The following DNM2 variants were observed in gnomAD, a reference collection of about 807,000 sequenced individuals.
The protein encoded by DNM2 is dynamin 2.
In DNM2, 15 loss-of-function variants were observed where a neutral mutation model predicts 99.0. The observed-to-expected ratio is 0.15, with a 90% CI of 0.10 to 0.23. The LOEUF is 0.23. DNM2 is among the 10% of genes least tolerant of loss of function. The pLI is 1.00. For synonymous variants in DNM2, 525 were observed against 481.2 expected, an observed-to-expected ratio of 1.09 and a Z score of -1.19; for missense variants, 742 against 1,189.4, an observed-to-expected ratio of 0.62 and a Z score of 5.53.
intron 1 of DNM2, among the ~76,000 whole-genome samples, chr19:10,751,657 T>C (rs995004974): frequency 1.3e-5 from 2 of 152,226 alleles, no homozygotes; most frequent in Non-Finnish European, 2.9e-5. Context: ...GTCTGGGAAC[T>C]TTTAGAAGCA....
intron 5 of DNM2, 39 bp downstream of exon 5, chr19:10,777,255 T>C: frequency 6.3e-7 from 1 of 1,597,874 alleles, no homozygotes. Context: ...GGAGGATGGG[T>C]GGGGTCCTTA....
chr19:10,821,256 G>A (rs2072959250), intron 16 of DNM2, among the ~76,000 whole-genome samples: 1 of 152,162 alleles, frequency 6.6e-6, no homozygotes, highest in African/African-American at 2.4e-5. Flanking sequence ...ACACCTGGCA[G>A]CTGTCCCAGG....
At chr19:10,730,276 A>G (rs375702732) in intron 1 of DNM2, among the ~76,000 whole-genome samples, 44 of 152,258 alleles carry the variant, frequency 2.9e-4, no homozygotes, top group African/African-American at 1.0e-3. Flanking sequence ...CAGGAGTTTG[A>G]GACCAGCCTG....
At chr19:10,744,305 G>T (rs976905181) in intron 1 of DNM2, among the ~76,000 whole-genome samples, 1 of 152,152 alleles carries the variant, frequency 6.6e-6, no homozygotes, top group African/African-American at 2.4e-5. Context: ...GAGGAGGAGG[G>T]GATGGGTCTG....
chr19:10,729,389 A>G (rs895189757), intron 1 of DNM2, among the ~76,000 whole-genome samples: 10 of 151,884 alleles, frequency 6.6e-5, no homozygotes, highest in African/African-American at 2.2e-4. Flanking sequence ...TATTCTGAAG[A>G]GTGAGAAGCG....
At chr19:10,724,936 G>A (rs74562182) in intron 1 of DNM2, among the ~76,000 whole-genome samples, 12,779 of 152,286 alleles carry the variant, frequency 0.084, 572 homozygotes, top group Middle Eastern at 0.11. Context: ...GGGATATGTG[G>A]ATGAGCCGCG....
chr19:10,722,755 G>T (rs530447861), intron 1 of DNM2, among the ~76,000 whole-genome samples: 25 of 152,086 alleles, frequency 1.6e-4, no homozygotes, highest in African/African-American at 5.5e-4. Flanking sequence ...AGCCTCCTAA[G>T]TAGCTGGGAC....
In DNM2 at chr19:10,831,642, T is replaced by C. The variant is rs1599644659; in HGVS notation, c.*595T>C. The C allele has an allele frequency of 1.0e-6, 1 of 985,946 alleles. No individual in the cohort carries two copies. The highest frequency in any genetic ancestry group is 1.1e-4 in the East Asian group (1 of 8,784). 61.1% of individuals were successfully genotyped at this position (985,946 alleles called of 1,614,324 possible). ...GGTGCCTTTGCTAGGCCCGGAGCCG[T>C]TGGCCCGGGCCGGCCTTGCCCTATT... On this transcript the variant is annotated 3_prime_UTR_variant, in exon 21 of 21. Transcript: ENST00000389253. The surrounding 1 kb of genome is among the most constrained non-coding windows in gnomAD (Gnocchi z 4.3).
chr19:10,819,656 G>T (rs2072905341), intron 15 of DNM2, among the ~76,000 whole-genome samples: 2 of 152,158 alleles, frequency 1.3e-5, no homozygotes. Flanking sequence ...TTGTGTGAGG[G>T]AAAAGGAGGA....
Position 10,795,478 on chromosome 19 carries a change from T to G in DNM2, c.1196+39T>G. On this transcript the variant is annotated intron_variant, in intron 9 of 20. Transcript: ENST00000389253. The surrounding 1 kb of genome is among the most constrained non-coding windows in gnomAD (Gnocchi z 4.2). ...GGAGAGTCACCACTGTTCCTTCCTC[T>G]CCGTGGTGCGACCCCCCAGCTAATT... 1 of 1,611,682 alleles carries G rather than the reference T, an allele frequency of 6.2e-7. No individual in the cohort carries two copies. Among genetic ancestry groups the G allele is most frequent in the Non-Finnish European group, 8.5e-7 (1 of 1,178,088 alleles).
At chr19:10,754,950 C>T (rs989353302) in intron 1 of DNM2, among the ~76,000 whole-genome samples, 5 of 152,208 alleles carry the variant, frequency 3.3e-5, no homozygotes, top group Non-Finnish European at 7.3e-5. Context: ...AGATGCAGGA[C>T]TTCTTCATGG....
chr19:10,736,255 ACT>A (rs923991403), intron 1 of DNM2, among the ~76,000 whole-genome samples: 1 of 146,598 alleles, frequency 6.8e-6, no homozygotes, highest in African/African-American at 2.5e-5. Context: ...ACAGAGTGAG[ACT>A]CTGTCTCAAA....
chr19:10,787,637 C>T (rs1479401022), intron 7 of DNM2, among the ~76,000 whole-genome samples: 1 of 151,740 alleles, frequency 6.6e-6, no homozygotes, highest in Non-Finnish European at 1.5e-5. Flanking sequence ...CACCTGTAGT[C>T]CCAGCTACAC....
chr19:10,775,691 T>G lies in DNM2; in HGVS notation c.386-12T>G. On this transcript the variant is annotated splice_polypyrimidine_tract_variant and intron_variant, in intron 3 of 20. Coordinates refer to ENST00000389253, the MANE Select transcript of DNM2 (RefSeq NM_001005361.3). This position sits in a 1 kb window ranked among gnomAD's most constrained non-coding sequence, Gnocchi z 4.3. ...TGGCTCTGAATGCCTTTCCTTCTGGTTTCCCTCCCAGTGTTGAACTTGACC... is the reference window on the plus strand; with the variant it reads ...TGGCTCTGAATGCCTTTCCTTCTGGGTTCCCTCCCAGTGTTGAACTTGACC... 1 of 1,614,060 alleles carries G rather than the reference T, an allele frequency of 6.2e-7. No homozygotes were observed. The highest frequency in any genetic ancestry group is 2.2e-5 in the East Asian group (1 of 44,858).
At chr19:10,809,793 G>C (rs1040522018) in intron 14 of DNM2, 6 of 152,342 alleles carry the variant, frequency 3.9e-5, no homozygotes, top group Non-Finnish European at 8.8e-5. Context: ...GCAATCCCAG[G>C]GTCTTTCTTG....
At chr19:10,789,603 T>TGGATGGATCACTTGAGGTCA (rs1326552423) in intron 7 of DNM2, among the ~76,000 whole-genome samples, 5 of 151,432 alleles carry the variant, frequency 3.3e-5, no homozygotes, top group African/African-American at 4.9e-5. Flanking sequence ...GAGGCTTCAG[T>TGGATGGATCACTTGAGGTCA]GGATGGATCA....
chr19:10,728,130 T>C (rs1392535137), intron 1 of DNM2, among the ~76,000 whole-genome samples: 1 of 152,166 alleles, frequency 6.6e-6, no homozygotes, highest in African/African-American at 2.4e-5. Flanking sequence ...CACCCGTAGC[T>C]TGAACCGGGA....
At position 10,830,124 on chromosome 19, in the gene DNM2, C is replaced by T. The variant is rs1291911256; in HGVS notation, c.2292-3C>T. On this transcript the variant is annotated splice_polypyrimidine_tract_variant and splice_region_variant and intron_variant, in intron 19 of 20. Coordinates refer to ENST00000389253, the MANE Select transcript of DNM2 (RefSeq NM_001005361.3). The surrounding 1 kb of genome is among the most constrained non-coding windows in gnomAD (Gnocchi z 4.8). Reference sequence around the variant, plus strand: ...GTAGCTCACACCCTCTCCTTCCTCACAGCCCCACTCCACAGCGCCGACCGG... The same window carrying T: ...GTAGCTCACACCCTCTCCTTCCTCATAGCCCCACTCCACAGCGCCGACCGG... The T allele has an allele frequency of 1.2e-6, 2 of 1,613,862 alleles. No homozygotes were observed. The highest frequency in any genetic ancestry group is 3.3e-5 in the Admixed American group (2 of 60,008).
chr19:10,756,407 G>A (rs1364922755), intron 1 of DNM2, among the ~76,000 whole-genome samples: 2 of 152,102 alleles, frequency 1.3e-5, no homozygotes, highest in African/African-American at 4.8e-5. Context: ...AGAAAGGTTC[G>A]CTCCTTTTCA....
Sources: allele counts gnomAD v4.1 joint callset (sites outside exome capture counted in the v4.1 genomes callset), GRCh38; gene constraint gnomAD v4.1.1; non-coding constraint Gnocchi (gnomAD v3.1); transcripts MANE v1.5; gene names NCBI Gene and HGNC (gene_info 2026-07-23, HGNC 2026-07-21).